The following DOLPP1 variants were observed in gnomAD, a reference collection of about 807,000 sequenced individuals.
DOLPP1 encodes dolichyl pyrophosphate phosphatase 1.
In DOLPP1, 15 loss-of-function variants were observed where a neutral mutation model predicts 34.1. That is an observed-to-expected ratio of 0.44 (90% CI 0.29 to 0.68). DOLPP1 has a LOEUF of 0.68. DOLPP1 is among the 30% of genes least tolerant of loss of function. DOLPP1 has a pLI of 0.12. For missense variants in DOLPP1, 249 were observed against 307.1 expected, an observed-to-expected ratio of 0.81 and a Z score of 1.41; for synonymous variants, 130 against 128.2, an observed-to-expected ratio of 1.01 and a Z score of -0.10.
chr9:129,088,456 C>T (rs1415953784), intron 7 of DOLPP1, among the ~76,000 whole-genome samples: 1 of 152,086 alleles, frequency 6.6e-6, no homozygotes, highest in African/African-American at 2.4e-5. Context: ...CCCTGGTTCC[C>T]TCAGGTTCCT....
Position 129,086,068 on chromosome 9 carries a change from A to G in DOLPP1, c.462-71A>G, listed in dbSNP as rs1846981985. 8.0e-6 allele frequency: 12 copies of G among 1,499,862 alleles called. 1 individual carries two copies. In the South Asian group the frequency reaches 1.1e-4, roughly 13 times the overall value. 92.9% of individuals were successfully genotyped at this position (1,499,862 alleles called of 1,614,324 possible). On this transcript the variant is annotated intron_variant, in intron 5 of 7. Transcript: ENST00000372546. ...GCACAGGTCCCTGGGAAGCTGGCAC[A>G]TGGGCAGTGGGGATTGTGCGGGCCT...
intron 2 of DOLPP1, 117 bp from the exon 3 acceptor site, chr9:129,084,906 G>T (rs1279107986): frequency 7.6e-6 from 10 of 1,315,310 alleles, no homozygotes; most frequent in Non-Finnish European, 1.1e-5. Flanking sequence ...CTCCTGGCTG[G>T]TTCTAGGTTA....
chr9:129,086,560 C>G (rs950330915), intron 6 of DOLPP1, 149 bp from the exon 7 acceptor site: 6 of 853,180 alleles, frequency 7.0e-6, no homozygotes, highest in Non-Finnish European at 1.1e-5. Context: ...AGCTGGGTCT[C>G]TCAGTGGCTC....
intron 1 of DOLPP1, among the ~76,000 whole-genome samples, chr9:129,084,210 G>C (rs1267240286): frequency 1.3e-5 from 2 of 152,206 alleles, no homozygotes; most frequent in East Asian, 3.8e-4. Flanking sequence ...TGGCTCTCAT[G>C]TGCCTGCCGG....
At chr9:129,082,723 C>G (rs1298176499) in intron 1 of DOLPP1, among the ~76,000 whole-genome samples, 1 of 152,216 alleles carries the variant, frequency 6.6e-6, no homozygotes, top group Non-Finnish European at 1.5e-5. Flanking sequence ...TTCTCCGTCA[C>G]ACCCCTCTTC....
chr9:129,085,728 A>G lies in DOLPP1; in HGVS notation c.461+112A>G, dbSNP rs1846976931. On this transcript the variant is annotated intron_variant, in intron 5 of 7. Transcript: ENST00000372546. This position sits in a 1 kb window ranked among gnomAD's most constrained non-coding sequence, Gnocchi z 7.0. ...CTAGTCCCAGAACCTGTAGTGCAGG[A>G]CTGGAAAAGGGGTCCCAGACCTCTA... 1 of 831,160 alleles carries G rather than the reference A, an allele frequency of 1.2e-6. No individual in the cohort carries two copies. Among genetic ancestry groups the G allele is most frequent in the Non-Finnish European group, 1.9e-6 (1 of 539,646 alleles). 51.5% of individuals were successfully genotyped at this position (831,160 alleles called of 1,614,324 possible). A position where few individuals can be genotyped will look rare whatever the true frequency, so the allele number is the denominator to read the frequency against.
rs191712970 is a variant in DOLPP1 at position 129,085,686 on chromosome 9, G to A, written c.461+70G>A. On this transcript the variant is annotated intron_variant, in intron 5 of 7. Transcript: ENST00000372546. The surrounding 1 kb of genome is among the most constrained non-coding windows in gnomAD (Gnocchi z 7.0). ...GTCCTGCTGGTTCCTGGTCCCTGTC[G>A]GACCCCACCATGGACCCTAGTCCCA... 2.2e-4 allele frequency: 283 copies of A among 1,287,260 alleles called. No homozygotes were observed. Among genetic ancestry groups the A allele is most frequent in the Non-Finnish European group, 2.9e-4 (264 of 918,174 alleles). The allele number at this position is 1,287,260 out of a possible 1,614,324, so 79.7% of individuals were successfully genotyped here.
Position 129,089,011 on chromosome 9 carries a change from G to T in DOLPP1, c.*4G>T. 1 of 1,613,938 alleles carries T rather than the reference G, an allele frequency of 6.2e-7. No individual in the cohort carries two copies. Among genetic ancestry groups the T allele is most frequent in the Non-Finnish European group, 8.5e-7 (1 of 1,179,976 alleles). On this transcript the variant is annotated 3_prime_UTR_variant, in exon 8 of 8. Transcript: ENST00000372546. The surrounding 1 kb of genome is among the most constrained non-coding windows in gnomAD (Gnocchi z 4.9). The stretch of plus-strand genomic sequence containing the variant: ...GCTGGGGACGAAACTGCAGTGACCA[G>T]TGGGTGTGGCTGGGTCCAGCCTCCA...
chr9:129,083,846 T>C (rs10988198), intron 1 of DOLPP1, among the ~76,000 whole-genome samples: 89,054 of 151,992 alleles, frequency 0.59, 28,351 homozygotes, highest in Non-Finnish European at 0.7. Context: ...AGCTGAACCA[T>C]GCTCTCAGAC....
At chr9:129,088,664 T>C (rs555035426) in intron 7 of DOLPP1, among the ~76,000 whole-genome samples, 4 of 152,310 alleles carry the variant, frequency 2.6e-5, no homozygotes, top group African/African-American at 4.8e-5. Context: ...CCATAACTAA[T>C]TGGAACCCAG....
At chr9:129,087,313 T>C (rs1847008598) in intron 7 of DOLPP1, among the ~76,000 whole-genome samples, 1 of 94,002 alleles carries the variant, frequency 1.1e-5, no homozygotes, top group Non-Finnish European at 2.5e-5. Context: ...GCTTTTCTTT[T>C]TTTTCTTTTT....
In DOLPP1 at chr9:129,085,178, G is replaced by C; in HGVS notation, c.263-29G>C. 6.2e-7 allele frequency: 1 copy of C among 1,613,002 alleles called. No homozygotes were observed. Among genetic ancestry groups the C allele is most frequent in the South Asian group, 1.1e-5 (1 of 91,042 alleles). On this transcript the variant is annotated intron_variant, in intron 3 of 7. Coordinates refer to ENST00000372546, the MANE Select transcript of DOLPP1 (RefSeq NM_020438.5). This position sits in a 1 kb window ranked among gnomAD's most constrained non-coding sequence, Gnocchi z 7.0. ...GTTACTGGGAGGTCTGCATCCCCCC[G>C]TGATGCCCTGGTCTCCTCTCTCTCC...
chr9:129,085,390 C>T lies in DOLPP1; in HGVS notation c.362+84C>T. 2 of 1,528,864 alleles carry T rather than the reference C, an allele frequency of 1.3e-6. No individual in the cohort carries two copies. Among genetic ancestry groups the T allele is most frequent in the South Asian group, 2.3e-5 (2 of 88,490 alleles). The allele number at this position is 1,528,864 out of a possible 1,614,324, so 94.7% of individuals were successfully genotyped here. On this transcript the variant is annotated intron_variant, in intron 4 of 7. Coordinates refer to ENST00000372546, the MANE Select transcript of DOLPP1 (RefSeq NM_020438.5). The surrounding 1 kb of genome is among the most constrained non-coding windows in gnomAD (Gnocchi z 7.0). Reference sequence around the variant, plus strand: ...GACTCACTGCTAGCCCTTTGGATGCCCCTGGGGTGGGAGGGGCTGCAGCGG... The same window carrying T: ...GACTCACTGCTAGCCCTTTGGATGCTCCTGGGGTGGGAGGGGCTGCAGCGG...
At chr9:129,081,280 C>G in intron 1 of DOLPP1, 73 bp downstream of exon 1, 2 of 1,571,990 alleles carry the variant, frequency 1.3e-6, no homozygotes, top group Non-Finnish European at 1.7e-6. Flanking sequence ...CCGGCCTGCT[C>G]GAGCCCGCGG....
chr9:129,085,828 C>T lies in DOLPP1; in HGVS notation c.461+212C>T, dbSNP rs1369622413. Among the ~76,000 whole-genome samples, 1 of 152,226 alleles carries T rather than the reference C, an allele frequency of 6.6e-6. No homozygotes were observed. The highest frequency in any genetic ancestry group is 1.5e-5 in the Non-Finnish European group (1 of 68,032). On this transcript the variant is annotated intron_variant, in intron 5 of 7. Transcript: ENST00000372546. This position sits in a 1 kb window ranked among gnomAD's most constrained non-coding sequence, Gnocchi z 7.0. The stretch of plus-strand genomic sequence containing the variant: ...GAGCCCAAGATTCTGGGACCAACTC[C>T]ACGTATCAGCCATCTCTTCCCAGCG...
chr9:129,082,233 G>A (rs1423537622), intron 1 of DOLPP1, among the ~76,000 whole-genome samples: 1 of 152,156 alleles, frequency 6.6e-6, no homozygotes, highest in East Asian at 1.9e-4. Context: ...GTCCGCTGAG[G>A]GCACCAGGAC....
intron 1 of DOLPP1, among the ~76,000 whole-genome samples, chr9:129,082,632 A>G (rs1846910958): frequency 6.6e-6 from 1 of 152,202 alleles, no homozygotes; most frequent in African/African-American, 2.4e-5. Flanking sequence ...GCAGCATGAT[A>G]CAGGCTGTGA....
In DOLPP1 at chr9:129,086,433, A is replaced by G. The variant is rs1164711218; in HGVS notation, c.590+166A>G. Among the ~76,000 whole-genome samples the G allele has an allele frequency of 2.0e-5, 3 of 152,260 alleles. No individual in the cohort carries two copies. In the East Asian group the frequency reaches 5.8e-4, roughly 29 times the overall value. ...ACACAGGGGGTTTCCTCAGGCCCGGAAGCCAGAGTGCCATCCTCTGTCCTC... is the reference window on the plus strand; with the variant it reads ...ACACAGGGGGTTTCCTCAGGCCCGGGAGCCAGAGTGCCATCCTCTGTCCTC... On this transcript the variant is annotated intron_variant, in intron 6 of 7. Coordinates refer to ENST00000372546, the MANE Select transcript of DOLPP1 (RefSeq NM_020438.5).
In DOLPP1 at chr9:129,085,132, G is replaced by C; in HGVS notation, c.262+25G>C. 1 of 1,607,240 alleles carries C rather than the reference G, an allele frequency of 6.2e-7. No individual in the cohort carries two copies. The highest frequency in any genetic ancestry group is 8.5e-7 in the Non-Finnish European group (1 of 1,176,428). On this transcript the variant is annotated intron_variant, in intron 3 of 7. Coordinates refer to ENST00000372546, the MANE Select transcript of DOLPP1 (RefSeq NM_020438.5). This position sits in a 1 kb window ranked among gnomAD's most constrained non-coding sequence, Gnocchi z 7.0. Reference sequence around the variant, plus strand: ...GGTAGGGCCTCAGCTGCGAGGGCCTGAGGTTCCCCCAGGTTGGGGCGTTAC... The same window carrying C: ...GGTAGGGCCTCAGCTGCGAGGGCCTCAGGTTCCCCCAGGTTGGGGCGTTAC...
Sources: gnomAD v4.1 joint callset for allele counts (sites outside exome capture counted in the v4.1 genomes callset) on GRCh38, gnomAD v4.1.1 for gene constraint, Gnocchi (gnomAD v3.1) non-coding constraint, MANE v1.5 for transcripts, NCBI Gene and HGNC (gene_info 2026-07-23, HGNC 2026-07-21) for gene names.